Variants in CIZ1 observed in about 807,000 individuals in gnomAD.
The protein encoded by CIZ1 is CDKN1A interacting zinc finger protein 1, also known as cip1-interacting zinc finger protein.
Under a neutral mutation model 118.6 loss-of-function variants are expected in CIZ1, and 58 were observed. That is an observed-to-expected ratio of 0.49 (90% confidence interval 0.40 to 0.61). The LOEUF is 0.61. CIZ1 is among the 20% of genes least tolerant of loss of function. The pLI is 0.00. For synonymous variants in CIZ1, 448 were observed against 443.4 expected, an observed-to-expected ratio of 1.01 and a Z score of -0.13; for missense variants, 921 against 1,115.9, an observed-to-expected ratio of 0.83 and a Z score of 2.49.
intron 1 of CIZ1, among the ~76,000 whole-genome samples, chr9:128,201,515 A>C (rs1394266619): frequency 6.6e-6 from 1 of 152,236 alleles, no homozygotes; most frequent in African/African-American, 2.4e-5. Flanking sequence ...CCTCTAGGCA[A>C]ACATCTATAA....
rs1356459637 is a variant in CIZ1, at chr9:128,203,933, C to A, written c.-6+253G>T. On this transcript the variant is annotated intron_variant, in intron 1 of 17. Coordinates refer to the CIZ1 transcript ENST00000372948. This position sits in a 1 kb window ranked among gnomAD's most constrained non-coding sequence, Gnocchi z 5.3. The stretch of plus-strand genomic sequence containing the variant: ...CCAGAAGCCCCGGGCAAAGAGCTGC[C>A]CCCCGCCCCCAACATGGGCATGGAG... 4 of 194,416 alleles carry A rather than the reference C, an allele frequency of 2.1e-5. No homozygotes were observed. The highest frequency in any genetic ancestry group is 1.3e-4 in the East Asian group (1 of 7,908). 12.0% of individuals were successfully genotyped at this position (194,416 alleles called of 1,614,324 possible). A position where few individuals can be genotyped will look rare whatever the true frequency, so the allele number is the denominator to read the frequency against.
chr9:128,167,009 G>A, intron 15 of CIZ1, 86 bp downstream of exon 15: 1 of 1,577,540 alleles, frequency 6.3e-7, no homozygotes, highest in Non-Finnish European at 8.7e-7. Flanking sequence ...CAGCCAGAAT[G>A]CCATGGCTGG....
intron 6 of CIZ1, 41 bp from the exon 7 acceptor site, chr9:128,180,564 A>G: frequency 6.4e-7 from 1 of 1,557,886 alleles, no homozygotes; most frequent in Non-Finnish European, 8.9e-7. Context: ...TGTTGGGAAG[A>G]GCAAGCATCT....
intron 4 of CIZ1, among the ~76,000 whole-genome samples, chr9:128,186,542 C>T (rs1383822592): frequency 6.6e-6 from 1 of 152,226 alleles, no homozygotes; most frequent in Non-Finnish European, 1.5e-5. Flanking sequence ...AGCTTTTGCA[C>T]AAGATGGCAG....
Position 128,191,473 on chromosome 9 carries a change from G to A in CIZ1, c.-47C>T, listed in dbSNP as rs977524619. 21 of 989,746 alleles carry A rather than the reference G, an allele frequency of 2.1e-5. No individual in the cohort carries two copies. In the Admixed American group the frequency reaches 9.1e-4, roughly 43 times the overall value. The allele number at this position is 989,746 out of a possible 1,614,324, so 61.3% of individuals were successfully genotyped here. A position where few individuals can be genotyped will look rare whatever the true frequency, so the allele number is the denominator to read the frequency against. On this transcript the variant is annotated 5_prime_UTR_variant, in exon 1 of 17. Transcript: ENST00000372938. This position sits in a 1 kb window ranked among gnomAD's most constrained non-coding sequence, Gnocchi z 5.5. ...CCCTCAACGCTCAAGTCGCCCCCACGGATGGGCCGGCCCCGCAGCCCCCAC... is the reference window on the plus strand; with the variant it reads ...CCCTCAACGCTCAAGTCGCCCCCACAGATGGGCCGGCCCCGCAGCCCCCAC...
In CIZ1 at chr9:128,185,567, A is replaced by G; in HGVS notation, c.568T>C (p.Ser190Pro). ...CTCACCTTTCGATTGGGGGTGGTAG[A>G]GGAGGAGGTCCGGGCCTGTTTCTGG... ...NPQKQARTSS[S>P]TTPNRKDSSS... The change falls in exon 5 of 17, where the codon TCT becomes CCT. Residue 190 changes from serine to proline, a missense_variant. By Grantham distance (74) the Ser-to-Pro change is moderately conservative (BLOSUM62 -1). Coordinates refer to ENST00000372938, the MANE Select transcript of CIZ1 (RefSeq NM_001131016.2). 6.6e-7 allele frequency: 1 copy of G among 1,514,756 alleles called. No individual in the cohort carries two copies. The highest frequency in any genetic ancestry group is 8.8e-7 in the Non-Finnish European group (1 of 1,131,012). The allele number at this position is 1,514,756 out of a possible 1,614,324, so 93.8% of individuals were successfully genotyped here.
At chr9:128,183,055 G>A (rs1449265340) in intron 5 of CIZ1, among the ~76,000 whole-genome samples, 1 of 152,160 alleles carries the variant, frequency 6.6e-6, no homozygotes, top group Non-Finnish European at 1.5e-5. Flanking sequence ...CCCTGCAGGG[G>A]CTTCCAGATG....
chr9:128,190,852 G>T lies in CIZ1; in HGVS notation c.6C>A (p.Phe2Leu). The change falls in exon 2 of 17, where the codon TTC becomes TTA. Residue 2 changes from phenylalanine (F) to leucine (L), a missense_variant. Coordinates refer to ENST00000372938, the MANE Select transcript of CIZ1 (RefSeq NM_001131016.2). The stretch of plus-strand genomic sequence containing the variant: ...GGAGCTGCTGCTGCTGCTGCTGGCT[G>T]AACATGGTGGCTAGGGGCAGAAAGC... MFSQQQQQQLQQ... is the reference protein window; with the variant it reads MLSQQQQQQLQQ... 6.5e-7 allele frequency: 1 copy of T among 1,542,092 alleles called. No homozygotes were observed. Among genetic ancestry groups the T allele is most frequent in the South Asian group, 1.2e-5 (1 of 83,452 alleles).
upstream of CIZ1, among the ~76,000 whole-genome samples, chr9:128,193,284 A>C (rs573620315): frequency 6.6e-6 from 1 of 152,222 alleles, no homozygotes; most frequent in Admixed American, 6.5e-5. Flanking sequence ...AGTAGGCTTT[A>C]TCCTCTAAGG....
chr9:128,194,428 A>G (rs1391671077), upstream of CIZ1, among the ~76,000 whole-genome samples: 2 of 150,884 alleles, frequency 1.3e-5, no homozygotes, highest in Admixed American at 6.6e-5. Flanking sequence ...CACCATTTGT[A>G]GGAGTCTAGC....
intron 10 of CIZ1, 147 bp downstream of exon 10, chr9:128,177,419 C>G (rs1291762516): frequency 3.4e-6 from 2 of 594,244 alleles, no homozygotes; most frequent in South Asian, 3.4e-5. Context: ...CAAAACCTGC[C>G]TTCTTGGCAG....
rs1442286897 is a variant in CIZ1 at position 128,169,425 on chromosome 9, T to C, written c.2126A>G (p.His709Arg). ...KFVEHVKSQG[H>R]KDKAKELKSL... is the part of the protein sequence containing the mutation. Reference sequence around the variant, plus strand: ...GGTTACCTCCTTGGCTTTGTCCTTATGCCCCTGGGACTTCACGTGCTCCAC... The same window carrying C: ...GGTTACCTCCTTGGCTTTGTCCTTACGCCCCTGGGACTTCACGTGCTCCAC... Residue 709 changes from histidine (H) to arginine (R), a missense_variant, in exon 13 of 17, where the codon CAT (histidine) becomes CGT (arginine). Transcript: ENST00000372938. The C allele has an allele frequency of 1.2e-6, 2 of 1,614,174 alleles. No homozygotes were observed. Among genetic ancestry groups the C allele is most frequent in the South Asian group, 1.1e-5 (1 of 91,086 alleles).
In CIZ1 at chr9:128,203,237, A is replaced by C; in HGVS notation, c.-6+949T>G. The C allele has an allele frequency of 5.2e-6, 1 of 191,410 alleles. No individual in the cohort carries two copies. The highest frequency in any genetic ancestry group is 1.0e-5 in the Non-Finnish European group (1 of 95,276). 11.9% of individuals were successfully genotyped at this position (191,410 alleles called of 1,614,324 possible). ...GCTAAAGCACCCCAAAAGCCGCAGA[A>C]GGTGAAAACTACGACACCCATGATG... On this transcript the variant is annotated intron_variant, in intron 1 of 17. Transcript: ENST00000372948. This position sits in a 1 kb window ranked among gnomAD's most constrained non-coding sequence, Gnocchi z 5.3.
upstream of CIZ1, among the ~76,000 whole-genome samples, chr9:128,194,146 G>A (rs1833316451): frequency 6.6e-6 from 1 of 151,992 alleles, no homozygotes; most frequent in African/African-American, 2.4e-5. Context: ...CGGATCACCT[G>A]AGGTCAAGAG....
chr9:128,182,407 C>T (rs1831782709), intron 5 of CIZ1, among the ~76,000 whole-genome samples: 1 of 152,220 alleles, frequency 6.6e-6, no homozygotes, highest in Non-Finnish European at 1.5e-5. Context: ...TCCCAAAGTG[C>T]TGGGATTACA....
chr9:128,166,181 C>T lies in CIZ1; in HGVS notation c.*16G>A. 9 of 1,457,382 alleles carry T rather than the reference C, an allele frequency of 6.2e-6. No homozygotes were observed. The highest frequency in any genetic ancestry group is 8.2e-6 in the Non-Finnish European group (9 of 1,097,314). The allele number at this position is 1,457,382 out of a possible 1,614,324, so 90.3% of individuals were successfully genotyped here. On this transcript the variant is annotated 3_prime_UTR_variant, in exon 17 of 17. Coordinates refer to ENST00000372938, the MANE Select transcript of CIZ1 (RefSeq NM_001131016.2). This position sits in a 1 kb window ranked among gnomAD's most constrained non-coding sequence, Gnocchi z 4.4. ...GATCTGGACCCAGGCAGGCCAGGGA[C>T]AGGGAGGTCCCTCTATCAGGTTTTG...
chr9:128,180,795 A>AT lies in CIZ1; in HGVS notation c.607dup (p.Met203AsnfsTer14). The AT allele has an allele frequency of 6.2e-7, 1 of 1,611,298 alleles. No individual in the cohort carries two copies. The highest frequency in any genetic ancestry group is 2.2e-5 in the East Asian group (1 of 44,866). ...GGGGTCTGACTTGTCTTCCACAGGC[A>AT]TTGTCTGAGAAGAAGAATCCTGCTT... On this transcript the variant is annotated frameshift_variant, in exon 6 of 17. Coordinates refer to ENST00000372938, the MANE Select transcript of CIZ1 (RefSeq NM_001131016.2). LOFTEE classifies it high-confidence loss of function.
At position 128,178,829 on chromosome 9, in the gene CIZ1, G is replaced by A. The variant is rs2130955404; in HGVS notation, c.1378C>T (p.Gln460Ter). ...TGGGTGTGAGGCTGCTCATGGGTCTGCTCTGGTGGCTGTACTGACACCTGC... is the reference window on the plus strand; with the variant it reads ...TGGGTGTGAGGCTGCTCATGGGTCTACTCTGGTGGCTGTACTGACACCTGC... ...PAQVSVQPPE[Q>*]THEQPHTQPQ... The change falls in exon 8 of 17, where the codon CAG becomes TAG. Residue 460 changes from glutamine to a stop codon, truncating the protein, a stop_gained. Coordinates refer to ENST00000372938, the MANE Select transcript of CIZ1 (RefSeq NM_001131016.2). LOFTEE classifies it high-confidence loss of function. 6.2e-7 allele frequency: 1 copy of A among 1,614,254 alleles called. No individual in the cohort carries two copies. Among genetic ancestry groups the A allele is most frequent in the South Asian group, 1.1e-5 (1 of 91,090 alleles).
At chr9:128,167,022 T>C (rs1358615893) in intron 15 of CIZ1, 73 bp downstream of exon 15, 23 of 1,577,848 alleles carry the variant, frequency 1.5e-5, no homozygotes, top group Non-Finnish European at 2.0e-5. Context: ...ATGGCTGGGA[T>C]ATGGGAGGGT....
Sources: gnomAD v4.1 joint callset for allele counts (sites outside exome capture counted in the v4.1 genomes callset) on GRCh38, gnomAD v4.1.1 for gene constraint, Gnocchi (gnomAD v3.1) non-coding constraint, MANE v1.5 for transcripts, NCBI Gene and HGNC (gene_info 2026-07-23, HGNC 2026-07-21) for gene names.